The following CLEC16A variants were observed in gnomAD, a reference collection of about 807,000 sequenced individuals.
CLEC16A encodes the protein C-type lectin domain containing 16A.
CLEC16A carries 51 observed loss-of-function variants against 109.5 expected under a neutral mutation model. The ratio of observed to expected loss-of-function variants is 0.47; its 90% CI spans 0.37 to 0.59. The LOEUF is 0.59. Among genes scored for constraint, CLEC16A ranks in the 20% least tolerant of loss-of-function variants. CLEC16A has a pLI of 0.00. For missense variants in CLEC16A, 1,339 were observed against 1,394.0 expected, an observed-to-expected ratio of 0.96 and a Z score of 0.63; for synonymous variants, 673 against 564.2, an observed-to-expected ratio of 1.19 and a Z score of -2.73.
At chr16:11,089,035 C>T (rs1227937372) in intron 19 of CLEC16A, among the ~76,000 whole-genome samples, 1 of 152,194 alleles carries the variant, frequency 6.6e-6, no homozygotes, top group Non-Finnish European at 1.5e-5. Context: ...AACTCCCAGC[C>T]TCCGTTCAGG....
chr16:11,157,255 A>ATG, intron 22 of CLEC16A: 1 of 1,187,668 alleles, frequency 8.4e-7, no homozygotes, highest in Non-Finnish European at 1.1e-6. Flanking sequence ...GTGATCAGTG[A>ATG]TGTGGGGGTC....
At chr16:11,119,394 CTTTTT>C (rs1163469831) in intron 19 of CLEC16A, among the ~76,000 whole-genome samples, 1 of 152,044 alleles carries the variant, frequency 6.6e-6, no homozygotes, top group Non-Finnish European at 1.5e-5. Flanking sequence ...CAGCTTTGCT[CTTTTT>C]TTGTTTGTTT....
intron 9 of CLEC16A, 97 bp downstream of exon 9, chr16:10,979,479 C>T (rs1055581912): frequency 8.6e-6 from 9 of 1,051,408 alleles, no homozygotes; most frequent in African/African-American, 1.6e-5. Flanking sequence ...ACCCCATCTT[C>T]TCTGTCCCCC....
At position 11,050,474 on chromosome 16, in the gene CLEC16A, C is replaced by T. The variant is rs536523517; in HGVS notation, c.1867-1039C>T. Among the ~76,000 whole-genome samples the T allele has an allele frequency of 2.0e-5, 3 of 152,334 alleles. No individual in the cohort carries two copies. The East Asian group carries it at 5.8e-4, about 29-fold the overall frequency. ...CTGAAAAGAGAAGACACAAGGAAAG[C>T]TTGTGATGTTTGAAAGAGTAAAATG... is the stretch of plus-strand genomic sequence containing the variant. On this transcript the variant is annotated intron_variant, in intron 17 of 23. Transcript: ENST00000409790.
intron 13 of CLEC16A, among the ~76,000 whole-genome samples, chr16:11,037,661 A>G (rs1360050351): frequency 4.6e-5 from 7 of 152,170 alleles, no homozygotes; most frequent in Admixed American, 3.3e-4. Flanking sequence ...CCACTGCCCC[A>G]TTCTAGAAGG....
chr16:11,092,523 C>G (rs2050372659), intron 19 of CLEC16A, among the ~76,000 whole-genome samples: 2 of 152,274 alleles, frequency 1.3e-5, no homozygotes, highest in South Asian at 4.1e-4. Context: ...CAGCCTGGCT[C>G]TGTCTCAAAA....
At chr16:10,994,013 C>T (rs1477075323) in intron 10 of CLEC16A, among the ~76,000 whole-genome samples, 1 of 152,222 alleles carries the variant, frequency 6.6e-6, no homozygotes, top group Non-Finnish European at 1.5e-5. Context: ...ACGTTACCTG[C>T]TCCTCATCTC....
intron 11 of CLEC16A, among the ~76,000 whole-genome samples, 185 bp downstream of exon 11, chr16:11,003,490 G>A (rs1186162077): frequency 6.6e-6 from 1 of 152,220 alleles, no homozygotes; most frequent in Admixed American, 6.5e-5. Context: ...TGCTGTAGGT[G>A]TATGTCATAT....
At chr16:10,953,764 C>T (rs1472846416) in intron 1 of CLEC16A, among the ~76,000 whole-genome samples, 5 of 152,184 alleles carry the variant, frequency 3.3e-5, no homozygotes, top group African/African-American at 1.2e-4. Context: ...ATCACGAGGT[C>T]AGGAGATCGA....
At chr16:11,047,369 G>T in intron 17 of CLEC16A, 27 bp downstream of exon 17, 1 of 1,583,066 alleles carries the variant, frequency 6.3e-7, no homozygotes, top group South Asian at 1.2e-5. Context: ...GACACACTTG[G>T]GCTGGTGTGC....
At position 11,181,153 on chromosome 16, in the gene CLEC16A, AT is replaced by A; in HGVS notation, c.*2467del. The A allele has an allele frequency of 6.6e-6, 1 of 152,450 alleles. No individual in the cohort carries two copies. The highest frequency in any genetic ancestry group is 1.5e-5 in the Non-Finnish European group (1 of 68,132). The allele number at this position is 152,450 out of a possible 1,614,324, so 9.4% of individuals were successfully genotyped here. ...GCCAGCCCATTGGAGGCCACCAGCC[AT>A]TTTGGCTTCAAAGGACCCCACCTCA... is the stretch of plus-strand genomic sequence containing the variant. On this transcript the variant is annotated 3_prime_UTR_variant, in exon 24 of 24. Coordinates refer to ENST00000409790, the MANE Select transcript of CLEC16A (RefSeq NM_015226.3).
At chr16:10,944,915 C>G (rs2041269037) in intron 1 of CLEC16A, 118 bp downstream of exon 1, 2 of 988,170 alleles carry the variant, frequency 2.0e-6, no homozygotes, top group Admixed American at 4.7e-5. Flanking sequence ...CGGGGAAGCC[C>G]GTGTGGTGGT....
At chr16:11,054,444 T>A (rs2048107339) in intron 18 of CLEC16A, among the ~76,000 whole-genome samples, 1 of 152,214 alleles carries the variant, frequency 6.6e-6, no homozygotes, top group African/African-American at 2.4e-5. Flanking sequence ...TTCCCAGGGC[T>A]GTGCTGCCCA....
intron 18 of CLEC16A, among the ~76,000 whole-genome samples, chr16:11,058,064 G>A (rs895505553): frequency 3.9e-5 from 6 of 152,236 alleles, no homozygotes; most frequent in Admixed American, 3.3e-4. Context: ...AATTTACAGA[G>A]TTGTGGGGCT....
chr16:11,118,067 T>G (rs1282482946), intron 19 of CLEC16A, among the ~76,000 whole-genome samples: 1 of 152,096 alleles, frequency 6.6e-6, no homozygotes, highest in Non-Finnish European at 1.5e-5. Context: ...CTCTACCTCC[T>G]GGGCTCAAGC....
rs1160589273 is a variant in CLEC16A, at chr16:11,178,329, A to G, written c.2807-6A>G. 1.9e-6 allele frequency: 3 copies of G among 1,599,590 alleles called. No individual in the cohort carries two copies. Among genetic ancestry groups the G allele is most frequent in the Middle Eastern group, 1.7e-4 (1 of 6,020 alleles). On this transcript the variant is annotated splice_polypyrimidine_tract_variant and splice_region_variant and intron_variant, in intron 23 of 23. Coordinates refer to ENST00000409790, the MANE Select transcript of CLEC16A (RefSeq NM_015226.3). The surrounding 1 kb of genome is among the most constrained non-coding windows in gnomAD (Gnocchi z 6.5). ...GTGTGTTTCCGGTTTTTCTCCCCCA[A>G]TCCAGATGCCCCCATGAGTCCAGAA... is the stretch of plus-strand genomic sequence containing the variant.
chr16:11,144,870 G>A (rs1250434061), intron 22 of CLEC16A, among the ~76,000 whole-genome samples: 1 of 152,136 alleles, frequency 6.6e-6, no homozygotes, highest in East Asian at 1.9e-4. Flanking sequence ...CATGCCTTGG[G>A]GGACGGCTGT....
intron 19 of CLEC16A, among the ~76,000 whole-genome samples, chr16:11,103,202 C>T (rs576445981): frequency 1.3e-5 from 2 of 152,336 alleles, no homozygotes; most frequent in African/African-American, 4.8e-5. Flanking sequence ...GGGGAGGAGC[C>T]AGCAGTCCCC....
chr16:11,169,470 A>G (rs1197134067), intron 23 of CLEC16A, among the ~76,000 whole-genome samples: 1 of 152,174 alleles, frequency 6.6e-6, no homozygotes, highest in Non-Finnish European at 1.5e-5. Context: ...TATTTTTAGT[A>G]GAGATGGGGT....
Sources: gnomAD v4.1 joint callset for allele counts (sites outside exome capture counted in the v4.1 genomes callset) on GRCh38, gnomAD v4.1.1 for gene constraint, Gnocchi (gnomAD v3.1) non-coding constraint, MANE v1.5 for transcripts, NCBI Gene and HGNC (gene_info 2026-07-23, HGNC 2026-07-21) for gene names.